ANXA10: variants seen among roughly 807,000 people sequenced by gnomAD.
ANXA10 encodes the protein annexin 14.
Under a neutral mutation model 53.5 loss-of-function variants are expected in ANXA10, and 49 were observed. The observed-to-expected ratio is 0.92, with a 90% CI of 0.73 to 1.16. The LOEUF (loss-of-function observed/expected upper bound fraction) is 1.16. Ranked by LOEUF, ANXA10 falls within the 50% of genes most tolerant of loss-of-function variation. The pLI is 0.00. For missense variants in ANXA10, 393 were observed against 394.4 expected, an observed-to-expected ratio of 1.00 and a Z score of 0.03; for synonymous variants, 131 against 128.9, an observed-to-expected ratio of 1.02 and a Z score of -0.11.
Position 168,155,791 on chromosome 4 carries a change from T to TA in ANXA10, c.196-6736dup, listed in dbSNP as rs1560783741. Among the ~76,000 whole-genome samples the TA allele has an allele frequency of 1.1e-3, 48 of 44,876 alleles. 6 individuals carry two copies. Among genetic ancestry groups the TA allele is most frequent in the African/African-American group, 4.5e-3 (46 of 10,180 alleles). The allele number at this position is 44,876 out of a possible 152,430, so 29.4% of individuals were successfully genotyped here. On this transcript the variant is annotated intron_variant, in intron 3 of 11. Transcript: ENST00000359299. ...GATATATCATATATTATATATTATA[T>TA]ATAATATATAATATATGATATATTA...
intron 6 of ANXA10, among the ~76,000 whole-genome samples, chr4:168,172,158 G>A (rs992868691): frequency 8.5e-5 from 13 of 152,066 alleles, no homozygotes; most frequent in Middle Eastern, 3.2e-3. Context: ...CCATGTGGCC[G>A]TCTCAGGCCC....
intron 6 of ANXA10, among the ~76,000 whole-genome samples, chr4:168,171,826 T>C (rs902501820): frequency 6.6e-6 from 1 of 152,190 alleles, no homozygotes; most frequent in African/African-American, 2.4e-5. Flanking sequence ...TAGAGATTAA[T>C]TAATCAATAT....
intron 6 of ANXA10, among the ~76,000 whole-genome samples, chr4:168,173,636 A>C (rs1054745421): frequency 6.6e-6 from 1 of 152,172 alleles, no homozygotes; most frequent in African/African-American, 2.4e-5. Context: ...TTTAGATAGC[A>C]GCAGGAGACA....
chr4:168,129,921 T>C (rs941759107), intron 2 of ANXA10, among the ~76,000 whole-genome samples: 2 of 152,188 alleles, frequency 1.3e-5, no homozygotes, highest in African/African-American at 4.8e-5. Flanking sequence ...ACATGTGTAA[T>C]TGCTAGGTCA....
At chr4:168,108,915 C>T (rs936501207) in intron 1 of ANXA10, among the ~76,000 whole-genome samples, 2 of 152,124 alleles carry the variant, frequency 1.3e-5, no homozygotes, top group African/African-American at 2.4e-5. Context: ...TCACCTCTAC[C>T]CAAATAAATC....
chr4:168,098,666 G>C (rs1730591804), intron 1 of ANXA10, among the ~76,000 whole-genome samples: 1 of 152,032 alleles, frequency 6.6e-6, no homozygotes, highest in African/African-American at 2.4e-5. Flanking sequence ...AGTAAAACTT[G>C]CTTCCTGGGG....
At chr4:168,102,771 G>A (rs1049167682) in intron 1 of ANXA10, among the ~76,000 whole-genome samples, 14 of 151,986 alleles carry the variant, frequency 9.2e-5, no homozygotes, top group South Asian at 2.1e-4. Flanking sequence ...TTTCTTTTGC[G>A]TAAACACTTA....
chr4:168,115,495 A>ACGCGCG (rs201109740), intron 1 of ANXA10, among the ~76,000 whole-genome samples: 1 of 110,554 alleles, frequency 9.0e-6, no homozygotes, highest in Non-Finnish European at 1.7e-5. Context: ...TACAATACAC[A>ACGCGCG]CGCACACACA....
intron 3 of ANXA10, among the ~76,000 whole-genome samples, chr4:168,144,218 G>T (rs780737947): frequency 6.6e-6 from 1 of 151,582 alleles, no homozygotes; most frequent in Non-Finnish European, 1.5e-5. Flanking sequence ...ACAAAGTCTC[G>T]CTCTGTCACC....
intron 1 of ANXA10, among the ~76,000 whole-genome samples, chr4:168,106,827 G>T (rs991693687): frequency 6.6e-6 from 1 of 152,020 alleles, no homozygotes; most frequent in Non-Finnish European, 1.5e-5. Flanking sequence ...CATGATTTTT[G>T]CTCCAGTTTG....
intron 3 of ANXA10, among the ~76,000 whole-genome samples, chr4:168,156,420 T>C (rs34263275): frequency 0.16 from 19,274 of 119,606 alleles, 1,891 homozygotes; most frequent in Non-Finnish European, 0.21. Context: ...GTATATATTA[T>C]ATATACTATA....
intron 6 of ANXA10, among the ~76,000 whole-genome samples, chr4:168,166,762 G>C (rs992874615): frequency 2.6e-5 from 4 of 151,664 alleles, no homozygotes; most frequent in African/African-American, 9.7e-5. Context: ...AGAATTAGTA[G>C]TCACCAAAGA....
intron 9 of ANXA10, among the ~76,000 whole-genome samples, chr4:168,179,875 T>C (rs966722806): frequency 1.3e-5 from 2 of 152,122 alleles, no homozygotes; most frequent in Non-Finnish European, 2.9e-5. Context: ...ACGGGGCGAG[T>C]TATCCAGAAA....
chr4:168,161,473 T>C (rs1731781903), intron 3 of ANXA10, among the ~76,000 whole-genome samples: 2 of 152,228 alleles, frequency 1.3e-5, no homozygotes, highest in South Asian at 4.1e-4. Flanking sequence ...CCTTGTATTA[T>C]AGTTTGCAGT....
At chr4:168,158,905 C>T (rs1289640467) in intron 3 of ANXA10, among the ~76,000 whole-genome samples, 1 of 152,104 alleles carries the variant, frequency 6.6e-6, no homozygotes, top group Non-Finnish European at 1.5e-5. Context: ...TCATGAAGAG[C>T]TCTTTCCATG....
intron 8 of ANXA10, chr4:168,178,210 T>C: frequency 3.9e-6 from 2 of 507,818 alleles, no homozygotes; most frequent in South Asian, 4.7e-5. Flanking sequence ...AAACTGAGCA[T>C]TTTAAAAATA....
chr4:168,141,256 C>T (rs1731320821), intron 3 of ANXA10, among the ~76,000 whole-genome samples: 1 of 152,148 alleles, frequency 6.6e-6, no homozygotes, highest in African/African-American at 2.4e-5. Flanking sequence ...GTCATGTTTG[C>T]CTCTTTCCTC....
intron 6 of ANXA10, 63 bp downstream of exon 6, chr4:168,165,389 C>CAA (rs33925175): frequency 9.9e-4 from 397 of 399,510 alleles, no homozygotes; most frequent in East Asian, 5.1e-3. Context: ...ATGTCATTGC[C>CAA]AAAAAAAAAA....
chr4:168,177,853 G>T (rs766846783), intron 7 of ANXA10, 37 bp from the exon 8 acceptor site: 1 of 1,613,992 alleles, frequency 6.2e-7, no homozygotes, highest in South Asian at 1.1e-5. Flanking sequence ...GGGCTGGAGT[G>T]GTTCTGATGC....
Sources: allele counts gnomAD v4.1 joint callset (sites outside exome capture counted in the v4.1 genomes callset), GRCh38; gene constraint gnomAD v4.1.1; transcripts MANE v1.5; gene names NCBI Gene and HGNC (gene_info 2026-07-23, HGNC 2026-07-21).